C1QTNF7: variants seen among roughly 807,000 people sequenced by gnomAD.
C1QTNF7 encodes complement C1q tumor necrosis factor-related protein 7.
Under a neutral mutation model 19.6 loss-of-function variants are expected in C1QTNF7, and 15 were observed. The observed-to-expected ratio is 0.76, with a 90% CI of 0.51 to 1.18. The LOEUF (loss-of-function observed/expected upper bound fraction) is 1.18. C1QTNF7 is among the 50% of genes most tolerant of loss of function. C1QTNF7 has a pLI of 0.00. For missense variants in C1QTNF7, 324 were observed against 359.7 expected (o/e 0.90, Z 0.80); for synonymous variants, 142 against 137.5 (o/e 1.03, Z -0.23).
chr4:15,342,933 T>C (rs1353927228), intron 1 of C1QTNF7, among the ~76,000 whole-genome samples: 1 of 152,220 alleles, frequency 6.6e-6, no homozygotes, highest in Non-Finnish European at 1.5e-5. Context: ...CTTCGGCCCA[T>C]TCAAACAGTT....
chr4:15,366,628 C>T (rs1396273724), intron 1 of C1QTNF7, among the ~76,000 whole-genome samples: 4 of 151,844 alleles, frequency 2.6e-5, no homozygotes, highest in Admixed American at 6.6e-5. Context: ...CAATCTTTCT[C>T]CCTTCTCTGT....
chr4:15,435,850 T>C lies in C1QTNF7; in HGVS notation c.107T>C (p.Ile36Thr), dbSNP rs373259432. Reference sequence around the variant, plus strand: ...TACTCCCCCAGGTATATCTGCAGCATTCCTGGCTTGCCTGGACCTCCAGGG... The same window carrying C: ...TACTCCCCCAGGTATATCTGCAGCACTCCTGGCTTGCCTGGACCTCCAGGG... ...ENYSPRYICS[I>T]PGLPGPPGPP... The change falls in exon 2 of 3, where the codon ATT becomes ACT. Residue 36 changes from isoleucine to threonine, a missense_variant. Transcript: ENST00000444304. The C allele has an allele frequency of 5.2e-5, 84 of 1,614,074 alleles. No homozygotes were observed. The highest frequency in any genetic ancestry group is 6.7e-5 in the Non-Finnish European group (79 of 1,180,006).
At chr4:15,370,728 C>T (rs928459121) in intron 1 of C1QTNF7, among the ~76,000 whole-genome samples, 9 of 152,088 alleles carry the variant, frequency 5.9e-5, no homozygotes, top group African/African-American at 1.9e-4. Context: ...GGTTTCTTAG[C>T]CTAATATTCT....
At chr4:15,375,018 C>A (rs1256183025) in intron 1 of C1QTNF7, among the ~76,000 whole-genome samples, 1 of 151,764 alleles carries the variant, frequency 6.6e-6, no homozygotes, top group African/African-American at 2.4e-5. Context: ...TTTGAAAAGC[C>A]CTTCCTTGCC....
chr4:15,416,463 C>T (rs1719610822), intron 1 of C1QTNF7, among the ~76,000 whole-genome samples: 2 of 152,184 alleles, frequency 1.3e-5, no homozygotes, highest in South Asian at 4.1e-4. Flanking sequence ...AAACCAACCC[C>T]CACTTAGAGG....
intron 1 of C1QTNF7, among the ~76,000 whole-genome samples, chr4:15,395,779 C>T (rs1718759002): frequency 6.6e-6 from 1 of 152,104 alleles, no homozygotes; most frequent in South Asian, 2.1e-4. Context: ...CAATCAAACC[C>T]TTTGAAACAC....
rs1718637915 is a variant in C1QTNF7 at position 15,393,073 on chromosome 4, C to CG, written c.14-42663_14-42662insG. On this transcript the variant is annotated intron_variant, in intron 1 of 2. Coordinates refer to the C1QTNF7 transcript ENST00000295297. ...AACTGAATCATGGGGGTGGTTCCCC[C>CG]CATACTGTTCTTATGGTAGTGAATA... Among the ~76,000 whole-genome samples, 4 of 152,120 alleles carry CG rather than the reference C, an allele frequency of 2.6e-5. No homozygotes were observed. The South Asian group carries it at 8.3e-4, about 32-fold the overall frequency.
At chr4:15,382,431 A>G (rs1718182413) in intron 1 of C1QTNF7, among the ~76,000 whole-genome samples, 1 of 152,068 alleles carries the variant, frequency 6.6e-6, no homozygotes, top group South Asian at 2.1e-4. Context: ...CTAGAACACA[A>G]TTCAAAGCCG....
intron 1 of C1QTNF7, among the ~76,000 whole-genome samples, chr4:15,405,894 T>C (rs1048889160): frequency 1.3e-5 from 2 of 152,158 alleles, no homozygotes; most frequent in African/African-American, 2.4e-5. Context: ...CTTCCTGTGG[T>C]GATTGCCCTG....
chr4:15,409,307 G>C (rs1719317666), intron 1 of C1QTNF7, among the ~76,000 whole-genome samples: 1 of 152,104 alleles, frequency 6.6e-6, no homozygotes, highest in South Asian at 2.1e-4. Context: ...TCAGCCTCAG[G>C]CCCTTCATCC....
At chr4:15,342,471 CA>C (rs1716579989) in intron 1 of C1QTNF7, among the ~76,000 whole-genome samples, 1 of 152,182 alleles carries the variant, frequency 6.6e-6, no homozygotes, top group Non-Finnish European at 1.5e-5. Flanking sequence ...GTGTCCTTGA[CA>C]AAGACAGACC....
At position 15,442,798 on chromosome 4, in the gene C1QTNF7, G is replaced by T; in HGVS notation, c.869G>T (p.Ter290LeuextTer8). The T allele has an allele frequency of 6.3e-7, 1 of 1,599,104 alleles. No individual in the cohort carries two copies. The highest frequency in any genetic ancestry group is 2.2e-5 in the East Asian group (1 of 44,800). ...LDSISEDDEL[*>L] ...TCCATATCAGAAGATGATGAATTGTGATCAGGACCAAGATCCCTGTGGTAA... is the reference window on the plus strand; with the variant it reads ...TCCATATCAGAAGATGATGAATTGTTATCAGGACCAAGATCCCTGTGGTAA... Residue 290 changes from the stop codon to leucine (L), a stop_lost, in exon 3 of 3, where the codon TGA becomes TTA. Coordinates refer to ENST00000444304, the MANE Select transcript of C1QTNF7 (RefSeq NM_031911.5).
At chr4:15,386,522 G>A (rs1330864105) in intron 1 of C1QTNF7, among the ~76,000 whole-genome samples, 4 of 87,910 alleles carry the variant, frequency 4.6e-5, no homozygotes, top group African/African-American at 1.9e-4. Flanking sequence ...CATAAAACAC[G>A]TGTACCTTAG....
rs754071742 is a variant in C1QTNF7, at chr4:15,357,565, C to T, written c.13+17358C>T. On this transcript the variant is annotated intron_variant, in intron 1 of 2. Transcript: ENST00000295297. ...TTTGCTTAGGATTGTCTTGGCTATA[C>T]GGGCTCTTTTTTGGTTCTATATGAA... Among the ~76,000 whole-genome samples, 97 of 152,128 alleles carry T rather than the reference C, an allele frequency of 6.4e-4. 2 individuals are homozygous for T. The highest frequency in any genetic ancestry group is 5.1e-4 in the Non-Finnish European group (35 of 68,012).
At chr4:15,400,723 T>C (rs1470885865) in intron 1 of C1QTNF7, among the ~76,000 whole-genome samples, 1 of 152,202 alleles carries the variant, frequency 6.6e-6, no homozygotes, top group African/African-American at 2.4e-5. Flanking sequence ...GAGGCTAAGT[T>C]AGGCAGCACT....
chr4:15,385,981 T>C (rs1718322144), intron 1 of C1QTNF7, among the ~76,000 whole-genome samples: 1 of 152,240 alleles, frequency 6.6e-6, no homozygotes, highest in South Asian at 2.1e-4. Flanking sequence ...ATTTGTAGCA[T>C]TTTGTTTCGC....
At chr4:15,370,251 C>T (rs780919562) in intron 1 of C1QTNF7, among the ~76,000 whole-genome samples, 27 of 151,808 alleles carry the variant, frequency 1.8e-4, no homozygotes, top group South Asian at 4.2e-4. Context: ...CAACAACTGG[C>T]GAAAAAAAGC....
chr4:15,383,260 G>T (rs1448752061), intron 1 of C1QTNF7, among the ~76,000 whole-genome samples: 1 of 152,076 alleles, frequency 6.6e-6, no homozygotes, highest in Non-Finnish European at 1.5e-5. Flanking sequence ...CCCCCCAAAT[G>T]ATAATTTTCA....
chr4:15,424,462 G>A (rs1236531191), upstream of C1QTNF7, among the ~76,000 whole-genome samples: 1 of 152,188 alleles, frequency 6.6e-6, no homozygotes, highest in Non-Finnish European at 1.5e-5. Context: ...GGGTGAAGGT[G>A]TTCCTTGGTT....
Sources: gnomAD v4.1 joint callset for allele counts (sites outside exome capture counted in the v4.1 genomes callset) on GRCh38, gnomAD v4.1.1 for gene constraint, MANE v1.5 for transcripts, NCBI Gene and HGNC (gene_info 2026-07-23, HGNC 2026-07-21) for gene names.